The following CFAP47 variants were observed in gnomAD, a reference collection of about 807,000 sequenced individuals.
CFAP47 encodes the protein cilia- and flagella-associated protein 47.
A neutral mutation model predicts 148.1 loss-of-function variants in CFAP47; 29 were observed. The ratio of observed to expected loss-of-function variants is 0.20; its 90% CI spans 0.15 to 0.27. The LOEUF (loss-of-function observed/expected upper bound fraction) is 0.27. CFAP47 is among the 10% of genes least tolerant of loss of function. The probability of loss-of-function intolerance (pLI) is 1.00; values close to 1 mark genes in which losing one functional copy is unlikely to be tolerated. For missense variants in CFAP47, 1,872 were observed against 1,697.5 expected, an observed-to-expected ratio of 1.10 and a Z score of -1.81; for synonymous variants, 664 against 577.3, an observed-to-expected ratio of 1.15 and a Z score of -2.15.
intron 4 of CFAP47, among the ~76,000 whole-genome samples, chrX:35,950,161 A>G (rs933761130): frequency 1.8e-5 from 2 of 111,637 alleles, no homozygotes; most frequent in African/African-American, 6.5e-5. Flanking sequence ...TCAATGCCCA[A>G]TGTTATAGGA....
In CFAP47 at chrX:36,014,729, C is replaced by T. The variant is rs189787863; in HGVS notation, c.3418-45C>T. ...GCTAAATAAATAGTATCCCATATTT[C>T]GCAAAGCAAAAATTAACAAGTATAA... On this transcript the variant is annotated intron_variant, in intron 21 of 63. Transcript: ENST00000378653. 2.4e-3 allele frequency: 693 copies of T among 284,446 alleles called. 2 individuals carry two copies. Among genetic ancestry groups the T allele is most frequent in the Non-Finnish European group, 3.3e-3 (535 of 162,841 alleles). 23.4% of individuals were successfully genotyped at this position (284,446 alleles called of 1,213,427 possible).
At chrX:35,930,053 C>T (rs1373743804) in intron 2 of CFAP47, among the ~76,000 whole-genome samples, 1 of 111,271 alleles carries the variant, frequency 9.0e-6, no homozygotes, top group Non-Finnish European at 1.9e-5. Flanking sequence ...CCTTTCCTGA[C>T]GATTTTAGCT....
At chrX:36,100,617 A>T (rs1569258702) in intron 32 of CFAP47, among the ~76,000 whole-genome samples, 1 of 111,563 alleles carries the variant, frequency 9.0e-6, no homozygotes, top group Non-Finnish European at 1.9e-5. Context: ...CTGTCTTCAC[A>T]CCTTGCAACC....
chrX:36,225,933 A>G (rs782584955), intron 45 of CFAP47, among the ~76,000 whole-genome samples: 8 of 111,582 alleles, frequency 7.2e-5, no homozygotes, highest in Non-Finnish European at 1.5e-4. Context: ...GACTGCAAAG[A>G]GAAGAAACCA....
chrX:36,314,558 G>A (rs1197850928), intron 56 of CFAP47, among the ~76,000 whole-genome samples: 4 of 111,879 alleles, frequency 3.6e-5, no homozygotes, highest in African/African-American at 1.3e-4. Flanking sequence ...TAGGCTTACA[G>A]TCTGTTTACA....
intron 39 of CFAP47, among the ~76,000 whole-genome samples, chrX:36,174,353 C>A (rs746269474): frequency 9.2e-6 from 1 of 109,239 alleles, no homozygotes; most frequent in South Asian, 4.1e-4. Context: ...ATGATGTTAG[C>A]TGGTTATTTT....
rs779672927 is a variant in CFAP47, at chrX:35,924,064, C to T, written c.250-1953C>T. 2.8e-4 allele frequency among the ~76,000 whole-genome samples: 24 copies of T among 84,567 alleles called. 1 individual carries two copies. The highest frequency in any genetic ancestry group is 1.2e-3 in the Admixed American group (9 of 7,260). 73.4% of individuals were successfully genotyped at this position (84,567 alleles called of 115,157 possible). On this transcript the variant is annotated intron_variant, in intron 1 of 63. Coordinates refer to ENST00000378653, the MANE Select transcript of CFAP47 (RefSeq NM_001304548.2). ...ATGTGTATATGTACATGTATGCGCA[C>T]ATATATGTATATATGTACATGTATG...
At chrX:36,358,505 A>G (rs1941802154) in intron 60 of CFAP47, among the ~76,000 whole-genome samples, 1 of 111,697 alleles carries the variant, frequency 9.0e-6, no homozygotes, top group Admixed American at 9.5e-5. Flanking sequence ...CATATGACAA[A>G]CCTGCTATAC....
At chrX:36,243,647 G>GTGTATATATATATATATATATA in intron 48 of CFAP47, among the ~76,000 whole-genome samples, 1 of 64,250 alleles carries the variant, frequency 1.6e-5, no homozygotes, top group South Asian at 1.1e-3. Flanking sequence ...ATATGTGTGT[G>GTGTATATATATATATATATATA]TATATATATA....
At chrX:36,370,920 G>A in intron 62 of CFAP47, among the ~76,000 whole-genome samples, 1 of 111,243 alleles carries the variant, frequency 9.0e-6, no homozygotes, top group Non-Finnish European at 1.9e-5. Context: ...GGAGAGGAAA[G>A]AAGGACGAAG....
At chrX:36,089,410 A>C (rs768351993) in intron 30 of CFAP47, among the ~76,000 whole-genome samples, 67 of 111,932 alleles carry the variant, frequency 6.0e-4, no homozygotes, top group African/African-American at 2.1e-3. Context: ...AAAAAATTAA[A>C]GTGTTATATC....
intron 49 of CFAP47, among the ~76,000 whole-genome samples, chrX:36,279,233 G>A (rs6527551): frequency 0.24 from 25,799 of 109,692 alleles, 2,529 homozygotes; most frequent in African/African-American, 0.36. Context: ...TTTTCCATAT[G>A]CGTTTCATTT....
intron 49 of CFAP47, among the ~76,000 whole-genome samples, chrX:36,269,268 A>G (rs1248561709): frequency 1.8e-5 from 2 of 112,469 alleles, no homozygotes; most frequent in Non-Finnish European, 3.8e-5. Flanking sequence ...TCCTAAGTGT[A>G]GTGAATCTAA....
intron 3 of CFAP47, among the ~76,000 whole-genome samples, chrX:35,947,108 C>CT: frequency 8.9e-6 from 1 of 111,747 alleles, no homozygotes; most frequent in Admixed American, 9.5e-5. Flanking sequence ...AAGTATGAAC[C>CT]TGTGGTCAGA....
Position 35,970,941 on chromosome X carries a change from A to C in CFAP47, c.1970+18A>C. ...GCAGAGAGGTAATGTTCAGTTCCTC[A>C]AAAAATATGCAACAGATCATGGTGT... is the stretch of plus-strand genomic sequence containing the variant. On this transcript the variant is annotated intron_variant, in intron 11 of 63. Transcript: ENST00000378653. 1 of 1,170,043 alleles carries C rather than the reference A, an allele frequency of 8.5e-7. No homozygotes were observed. The highest frequency in any genetic ancestry group is 1.1e-6 in the Non-Finnish European group (1 of 872,805).
At chrX:36,061,446 G>T (rs147768958) in intron 26 of CFAP47, among the ~76,000 whole-genome samples, 49 of 111,957 alleles carry the variant, frequency 4.4e-4, no homozygotes, top group African/African-American at 1.6e-3. Context: ...TAATGAATGA[G>T]CTCTACTCAT....
intron 46 of CFAP47, among the ~76,000 whole-genome samples, chrX:36,232,198 C>T (rs1295343499): frequency 9.0e-6 from 1 of 111,134 alleles, no homozygotes; most frequent in African/African-American, 3.3e-5. Flanking sequence ...GTACCAGTTC[C>T]TCCTTGTACC....
At chrX:36,045,961 T>C (rs1408997338) in intron 25 of CFAP47, among the ~76,000 whole-genome samples, 4 of 111,960 alleles carry the variant, frequency 3.6e-5, no homozygotes, top group African/African-American at 9.7e-5. Flanking sequence ...TAATCACTTA[T>C]GCAAAGATAA....
intron 49 of CFAP47, among the ~76,000 whole-genome samples, chrX:36,266,002 A>G (rs1940886658): frequency 8.9e-6 from 1 of 111,887 alleles, no homozygotes; most frequent in Non-Finnish European, 1.9e-5. Context: ...TGGGCTATGT[A>G]CTCTATCCAT....
Sources: gnomAD v4.1 joint callset for allele counts (sites outside exome capture counted in the v4.1 genomes callset) on GRCh38, gnomAD v4.1.1 for gene constraint, MANE v1.5 for transcripts, NCBI Gene and HGNC (gene_info 2026-07-23, HGNC 2026-07-21) for gene names.